The following NELL1 variants were observed in gnomAD, a reference collection of about 807,000 sequenced individuals.
NELL1 encodes protein kinase C-binding protein NELL1.
NELL1 carries 76 observed loss-of-function variants against 107.4 expected under a neutral mutation model. That is an observed-to-expected ratio of 0.71 (90% CI 0.59 to 0.86). NELL1 has a LOEUF of 0.86. Among genes scored for constraint, NELL1 ranks in the 40% least tolerant of loss-of-function variants. The pLI, the probability that NELL1 is intolerant of heterozygous loss-of-function variation, is 0.00. For missense variants in NELL1, 1,024 were observed against 1,005.5 expected (o/e 1.02, Z -0.25); for synonymous variants, 353 against 341.2 (o/e 1.03, Z -0.38).
At chr11:21,061,335 G>A (rs916585477) in intron 12 of NELL1, among the ~76,000 whole-genome samples, 1 of 152,202 alleles carries the variant, frequency 6.6e-6, no homozygotes, top group Non-Finnish European at 1.5e-5. Context: ...CTGGAGTGGA[G>A]TGACAGTAGG....
At chr11:21,522,004 C>A (rs1855737114) in intron 15 of NELL1, among the ~76,000 whole-genome samples, 1 of 152,110 alleles carries the variant, frequency 6.6e-6, no homozygotes, top group Admixed American at 6.6e-5. Flanking sequence ...ATATTCGTTT[C>A]CTGTCAGATC....
intron 3 of NELL1, among the ~76,000 whole-genome samples, chr11:20,835,274 G>A (rs933011813): frequency 3.9e-5 from 6 of 152,102 alleles, no homozygotes; most frequent in Non-Finnish European, 5.9e-5. Context: ...TTATTTTATC[G>A]AGTGACATGT....
chr11:20,768,823 C>T (rs1022611623), intron 2 of NELL1, among the ~76,000 whole-genome samples: 2 of 152,120 alleles, frequency 1.3e-5, no homozygotes, highest in South Asian at 2.1e-4. Context: ...GGAGTATGGC[C>T]GTGCCCCCAT....
At chr11:21,139,392 C>CCA (rs1855815351) in intron 13 of NELL1, among the ~76,000 whole-genome samples, 4 of 152,308 alleles carry the variant, frequency 2.6e-5, no homozygotes, top group Admixed American at 2.6e-4. Context: ...CTTCAGGCCT[C>CCA]TGGCAAAGGT....
At chr11:21,247,571 G>T (rs1288173256) in intron 14 of NELL1, among the ~76,000 whole-genome samples, 1 of 152,098 alleles carries the variant, frequency 6.6e-6, no homozygotes, top group African/African-American at 2.4e-5. Flanking sequence ...CACGCATGGA[G>T]GTGTCATCTC....
chr11:20,837,135 T>C (rs546495814), intron 3 of NELL1, among the ~76,000 whole-genome samples: 2 of 152,256 alleles, frequency 1.3e-5, no homozygotes, highest in East Asian at 1.9e-4. Context: ...AGGAACTGTA[T>C]ATAGACACTT....
At chr11:21,109,011 A>G (rs1378629886) in intron 12 of NELL1, among the ~76,000 whole-genome samples, 6 of 152,102 alleles carry the variant, frequency 3.9e-5, no homozygotes, top group Non-Finnish European at 8.8e-5. Flanking sequence ...CAGTGAGAAC[A>G]ATGACAACTT....
At chr11:20,831,121 G>T (rs1858000031) in intron 3 of NELL1, among the ~76,000 whole-genome samples, 1 of 152,118 alleles carries the variant, frequency 6.6e-6, no homozygotes, top group Non-Finnish European at 1.5e-5. Context: ...ATATCTTCTT[G>T]CATTCTTATG....
chr11:21,557,514 G>C (rs902762092), intron 16 of NELL1, among the ~76,000 whole-genome samples: 1 of 152,010 alleles, frequency 6.6e-6, no homozygotes, highest in African/African-American at 2.4e-5. Context: ...GCCACTGGTG[G>C]TGGATGGGTT....
At chr11:20,932,276 C>T (rs1057246207) in intron 9 of NELL1, among the ~76,000 whole-genome samples, 1 of 151,464 alleles carries the variant, frequency 6.6e-6, no homozygotes, top group African/African-American at 2.4e-5. Context: ...TTTTGGTAGA[C>T]AGATTTGAGA....
chr11:21,378,273 A>G (rs200664049), intron 15 of NELL1, among the ~76,000 whole-genome samples: 1 of 98,292 alleles, frequency 1.0e-5, no homozygotes, highest in Non-Finnish European at 2.1e-5. Context: ...ATGTATATAT[A>G]TATATATATA....
intron 12 of NELL1, among the ~76,000 whole-genome samples, chr11:21,063,881 G>C (rs1304199106): frequency 1.3e-5 from 2 of 152,210 alleles, no homozygotes; most frequent in Non-Finnish European, 2.9e-5. Flanking sequence ...TTGGTGCTAT[G>C]GGAGAAAGCA....
intron 16 of NELL1, among the ~76,000 whole-genome samples, chr11:21,542,246 C>A (rs1159352847): frequency 6.6e-6 from 1 of 152,058 alleles, no homozygotes; most frequent in Non-Finnish European, 1.5e-5. Context: ...CCAAATTCCG[C>A]AGCTGATAAA....
At chr11:21,527,715 C>A (rs1458527136) in intron 15 of NELL1, among the ~76,000 whole-genome samples, 1 of 152,188 alleles carries the variant, frequency 6.6e-6, no homozygotes, top group Non-Finnish European at 1.5e-5. Flanking sequence ...ATGGCTGAAA[C>A]CCTGAGAGTC....
intron 14 of NELL1, among the ~76,000 whole-genome samples, chr11:21,263,092 A>G (rs895045265): frequency 6.6e-6 from 1 of 151,792 alleles, no homozygotes; most frequent in African/African-American, 2.4e-5. Flanking sequence ...TTTCATGAAC[A>G]TGGTGTCCTT....
chr11:20,784,356 T>C (rs1007976947), intron 3 of NELL1, among the ~76,000 whole-genome samples: 3 of 152,164 alleles, frequency 2.0e-5, no homozygotes, highest in Admixed American at 1.3e-4. Flanking sequence ...AAGAAATGCT[T>C]TGGAAAAGAA....
intron 15 of NELL1, among the ~76,000 whole-genome samples, chr11:21,421,908 T>C (rs1852682738): frequency 6.6e-6 from 1 of 152,080 alleles, no homozygotes; most frequent in Non-Finnish European, 1.5e-5. Flanking sequence ...GAGAAGTGAC[T>C]CATCACATGT....
rs59870340 is a variant in NELL1, at chr11:21,048,969, G to A, written c.1301-64620G>A. Among the ~76,000 whole-genome samples the A allele has an allele frequency of 9.2e-3, 1,395 of 152,180 alleles. 39 individuals carry two copies. In the East Asian group the frequency reaches 0.11, roughly 12 times the overall value. ...TTTATTGGGGGGTCTTCTCAAGATC[G>A]ATATCTGTGAAAAAAATGGAAGAAA... On this transcript the variant is annotated intron_variant, in intron 12 of 19. Transcript: ENST00000357134.
chr11:21,547,336 G>A (rs1021917648), intron 16 of NELL1, among the ~76,000 whole-genome samples: 2 of 151,842 alleles, frequency 1.3e-5, no homozygotes, highest in African/African-American at 4.8e-5. Context: ...TCCAAGGATG[G>A]TGAGATTTCC....
Sources: allele counts gnomAD v4.1 joint callset (sites outside exome capture counted in the v4.1 genomes callset), GRCh38; gene constraint gnomAD v4.1.1; transcripts MANE v1.5; gene names NCBI Gene and HGNC (gene_info 2026-07-23, HGNC 2026-07-21).